The following CBX2 variants were observed in gnomAD, a reference collection of about 807,000 sequenced individuals.
CBX2 encodes chromobox protein homolog 2.
In CBX2, 11 loss-of-function variants were observed where a neutral mutation model predicts 21.0. The ratio of observed to expected loss-of-function variants is 0.52; its 90% CI spans 0.33 to 0.87. CBX2 has a LOEUF of 0.87. Among genes scored for constraint, CBX2 ranks in the 40% least tolerant of loss-of-function variants. The pLI, the probability that CBX2 is intolerant of heterozygous loss-of-function variation, is 0.02. For synonymous variants in CBX2, 364 were observed against 304.6 expected (o/e 1.19, Z -2.03); for missense variants, 746 against 724.3 (o/e 1.03, Z -0.34).
At chr17:79,782,176 T>G in intron 4 of CBX2, 1 of 1,612,438 alleles carries the variant, frequency 6.2e-7, no homozygotes, top group Non-Finnish European at 8.5e-7. Flanking sequence ...CGGCTGGATG[T>G]GACTCAAAAG....
Position 79,779,344 on chromosome 17 carries a change from C to T in CBX2, c.117-18C>T, listed in dbSNP as rs1555829735. On this transcript the variant is annotated intron_variant, in intron 2 of 4. Transcript: ENST00000310942. ...CATCAGCCTGGCGTCTAATGCTGCC[C>T]TGTCCTCTGCTTTGCAGACATAACA... 1 of 1,612,796 alleles carries T rather than the reference C, an allele frequency of 6.2e-7. No homozygotes were observed. The highest frequency in any genetic ancestry group is 1.3e-5 in the African/African-American group (1 of 75,062).
chr17:79,779,512 G>A (rs1555829782), intron 3 of CBX2, 85 bp downstream of exon 3: 23 of 1,268,236 alleles, frequency 1.8e-5, no homozygotes, highest in Non-Finnish European at 1.7e-5. Flanking sequence ...CGCCTGCCGG[G>A]AGGCTGGAGC....
chr17:79,781,866 A>G (rs1907237113), intron 4 of CBX2, 65 bp downstream of exon 4: 2 of 1,614,022 alleles, frequency 1.2e-6, no homozygotes, highest in Non-Finnish European at 1.7e-6. Flanking sequence ...GGGGGCAGGC[A>G]GAGGGAGGGT....
chr17:79,783,256 G>A (rs528489049), intron 4 of CBX2, among the ~76,000 whole-genome samples: 1 of 152,236 alleles, frequency 6.6e-6, no homozygotes, highest in African/African-American at 2.4e-5. Flanking sequence ...TCATGGAACT[G>A]TGAGCACGGT....
chr17:79,782,555 G>A (rs1269658499), intron 4 of CBX2: 24 of 1,038,920 alleles, frequency 2.3e-5, no homozygotes, highest in East Asian at 2.2e-4. Flanking sequence ...TTGTGGCCAC[G>A]AGCTCAGTCA....
rs376064047 is a variant in CBX2 at position 79,781,750 on chromosome 17, G to A, written c.237G>A (p.Arg79=). The part of the protein sequence containing the change: ...NRKRGKRPRG[R]PRKLTAMSSC... ...AGAGAGGCAAGAGGCCGAGAGGCCG[G>A]CCAAGGAAGCTCACTGCCATGTCCT... The change falls in exon 4 of 5, where the codon CGG becomes CGA. Residue 79 remains arginine, a synonymous_variant. Coordinates refer to ENST00000310942, the MANE Select transcript of CBX2 (RefSeq NM_005189.3). 9 of 1,613,996 alleles carry A rather than the reference G, an allele frequency of 5.6e-6. No individual in the cohort carries two copies. The highest frequency in any genetic ancestry group is 6.8e-6 in the Non-Finnish European group (8 of 1,180,038).
chr17:79,781,725 A>G lies in CBX2; in HGVS notation c.212A>G (p.Lys71Arg), dbSNP rs782208151. 9.9e-6 allele frequency: 16 copies of G among 1,613,942 alleles called. No individual in the cohort carries two copies. The Admixed American group carries it at 1.0e-4, about 10-fold the overall frequency. ...KEHEKEVQNR[K>R]RGKRPRGRPR... ...CATGAGAAGGAGGTGCAGAACCGGA[A>G]GAGAGGCAAGAGGCCGAGAGGCCGG... The change falls in exon 4 of 5, where the codon AAG becomes AGG. Residue 71 changes from lysine (K) to arginine (R), a missense_variant. Transcript: ENST00000310942.
intron 3 of CBX2, among the ~76,000 whole-genome samples, chr17:79,780,079 G>A (rs1157523411): frequency 6.6e-6 from 1 of 152,254 alleles, no homozygotes; most frequent in African/African-American, 2.4e-5. Flanking sequence ...AGATGTTCAA[G>A]GGCAAGGGGT....
chr17:79,778,416 C>T lies in CBX2; in HGVS notation c.105C>T (p.Gly35=). ...TGGAGTACCTGGTCAAGTGGCGCGG[C>T]TGGTCCTCCAAGTGAGTCCCCCGCG... ...GKLEYLVKWR[G]WSSKHNSWEP... is the part of the protein sequence containing the mutation. The change falls in exon 2 of 5, where the codon GGC becomes GGT. Residue 35 remains glycine (G), a synonymous_variant. Transcript: ENST00000310942. This position sits in a 1 kb window ranked among gnomAD's most constrained non-coding sequence, Gnocchi z 4.8. The T allele has an allele frequency of 6.4e-7, 1 of 1,570,354 alleles. No individual in the cohort carries two copies. The highest frequency in any genetic ancestry group is 8.6e-7 in the Non-Finnish European group (1 of 1,164,294).
At chr17:79,781,345 C>G (rs868917341) in intron 3 of CBX2, among the ~76,000 whole-genome samples, 14 of 152,216 alleles carry the variant, frequency 9.2e-5, no homozygotes, top group African/African-American at 3.1e-4. Flanking sequence ...GAGGTTGGAC[C>G]GTGTGGCCAC....
Position 79,784,486 on chromosome 17 carries a change from C to A in CBX2, c.1043C>A (p.Thr348Asn), listed in dbSNP as rs782047271. 1.2e-6 allele frequency: 2 copies of A among 1,612,704 alleles called. No homozygotes were observed. Among genetic ancestry groups the A allele is most frequent in the Non-Finnish European group, 1.7e-6 (2 of 1,179,898 alleles). ...TGCCCAGGCCCCCAGCCAGCACCCACCCAGGAGCTGAGCCTCCAGGTCTTG... is the reference window on the plus strand; with the variant it reads ...TGCCCAGGCCCCCAGCCAGCACCCAACCAGGAGCTGAGCCTCCAGGTCTTG... ...AGCPGPQPAP[T>N]QELSLQVLDL... Residue 348 changes from threonine to asparagine, a missense_variant, in exon 5 of 5, where the codon ACC becomes AAC. This residue lies in a region of CBX2 where 701 missense variants were observed against 650.7 expected (regional missense o/e 1.08). Coordinates refer to ENST00000310942, the MANE Select transcript of CBX2 (RefSeq NM_005189.3). This position sits in a 1 kb window ranked among gnomAD's most constrained non-coding sequence, Gnocchi z 5.9.
chr17:79,782,381 C>G, intron 4 of CBX2: 1 of 1,408,394 alleles, frequency 7.1e-7, no homozygotes. Context: ...CAGTGATGGG[C>G]TCACCCCGCC....
chr17:79,781,631 A>G, intron 3 of CBX2, 65 bp from the exon 4 acceptor site: 1 of 1,373,362 alleles, frequency 7.3e-7, no homozygotes, highest in East Asian at 2.3e-5. Flanking sequence ...GAAGCCATAG[A>G]GTCCCACATG....
intron 3 of CBX2, chr17:79,779,838 A>G: frequency 7.0e-6 from 2 of 286,994 alleles, no homozygotes; most frequent in Non-Finnish European, 1.4e-5. Flanking sequence ...CCAGCCCTGC[A>G]CGCGTGTGCC....
In CBX2 at chr17:79,784,601, A is replaced by T. The variant is rs1555831288; in HGVS notation, c.1158A>T (p.Pro386=). The T allele has an allele frequency of 1.9e-6, 3 of 1,612,552 alleles. No individual in the cohort carries two copies. Among genetic ancestry groups the T allele is most frequent in the Non-Finnish European group, 2.5e-6 (3 of 1,179,902 alleles). ...CCAAGGGTGTCCCGGCCACCAACCC[A>T]GCCCCTGGGAAGGGCACTGGGAGTG... The part of the protein sequence containing the change: ...TATKGVPATN[P]APGKGTGSGL... Residue 386 remains proline (P), a synonymous_variant, in exon 5 of 5, where the codon CCA becomes CCT. Coordinates refer to ENST00000310942, the MANE Select transcript of CBX2 (RefSeq NM_005189.3). The surrounding 1 kb of genome is among the most constrained non-coding windows in gnomAD (Gnocchi z 5.9).
At chr17:79,783,574 T>C (rs1907395213) in intron 4 of CBX2, among the ~76,000 whole-genome samples, 158 bp from the exon 5 acceptor site, 1 of 151,184 alleles carries the variant, frequency 6.6e-6, no homozygotes, top group South Asian at 2.1e-4. Flanking sequence ...AACACCCGGC[T>C]AATTTTTGTA....
rs150416804 is a variant in CBX2, at chr17:79,782,299, G to A, written c.288+498G>A. On this transcript the variant is annotated intron_variant, in intron 4 of 4. Coordinates refer to ENST00000310942, the MANE Select transcript of CBX2 (RefSeq NM_005189.3). ...GGGGGTGCCAGGAGGGGCCTTGGAG[G>A]AGGGCAGAGGCAGTGTGGGCTGATG... 899 of 1,521,788 alleles carry A rather than the reference G, an allele frequency of 5.9e-4. 2 individuals are homozygous for A. Among genetic ancestry groups the A allele is most frequent in the Admixed American group, 7.0e-4 (35 of 50,022 alleles). The allele number at this position is 1,521,788 out of a possible 1,614,324, so 94.3% of individuals were successfully genotyped here.
In CBX2 at chr17:79,779,822, G is replaced by T. The variant is rs142618879; in HGVS notation, c.182+395G>T. ...AGGTTTGCCACAGTGACGCAGGTCT[G>T]CCCTTCCAGCCCTGCACGCGTGTGC... On this transcript the variant is annotated intron_variant, in intron 3 of 4. Coordinates refer to ENST00000310942, the MANE Select transcript of CBX2 (RefSeq NM_005189.3). 4.1e-4 allele frequency: 127 copies of T among 306,572 alleles called. 1 individual carries two copies. The highest frequency in any genetic ancestry group is 2.6e-3 in the African/African-American group (123 of 46,676). 19.0% of individuals were successfully genotyped at this position (306,572 alleles called of 1,614,324 possible).
chr17:79,778,263 C>A lies in CBX2; in HGVS notation c.28C>A (p.Gln10Lys). 1 of 1,523,002 alleles carries A rather than the reference C, an allele frequency of 6.6e-7. No homozygotes were observed. Among genetic ancestry groups the A allele is most frequent in the East Asian group, 2.6e-5 (1 of 38,720 alleles). 94.3% of individuals were successfully genotyped at this position (1,523,002 alleles called of 1,614,324 possible). A position where few individuals can be genotyped will look rare whatever the true frequency, so the allele number is the denominator to read the frequency against. The change falls in exon 1 of 5, where the codon CAG becomes AAG. Residue 10 changes from glutamine to lysine, a missense_variant. By Grantham distance (53) the Gln-to-Lys change is moderately conservative. Transcript: ENST00000310942. The surrounding 1 kb of genome is among the most constrained non-coding windows in gnomAD (Gnocchi z 4.8). ...GGAGGAGCTGAGCAGCGTGGGCGAGCAGGTCTTCGCCGCCGAGTGCATCCT... is the reference window on the plus strand; with the variant it reads ...GGAGGAGCTGAGCAGCGTGGGCGAGAAGGTCTTCGCCGCCGAGTGCATCCT... The part of the protein sequence containing the change: MEELSSVGE[Q>K]VFAAECILSK...
Sources: allele counts gnomAD v4.1 joint callset (sites outside exome capture counted in the v4.1 genomes callset), GRCh38; gene constraint gnomAD v4.1.1; regional missense constraint gnomAD v4.1.1; non-coding constraint Gnocchi (gnomAD v3.1); transcripts MANE v1.5; gene names NCBI Gene and HGNC (gene_info 2026-07-23, HGNC 2026-07-21).